Variants in NAA35 observed in about 807,000 individuals in gnomAD.
NAA35 encodes MAK10 homolog, amino-acid N-acetyltransferase subunit.
A neutral mutation model predicts 101.7 loss-of-function variants in NAA35; 18 were observed. That is an observed-to-expected ratio of 0.18 (90% confidence interval 0.12 to 0.26). The LOEUF (loss-of-function observed/expected upper bound fraction) is 0.26, where lower values mean the gene tolerates loss of function less well. NAA35 is among the 10% of genes least tolerant of loss of function. The probability of loss-of-function intolerance (pLI) is 1.00; values close to 1 mark genes in which losing one functional copy is unlikely to be tolerated. For synonymous variants in NAA35, 267 were observed against 273.1 expected (o/e 0.98, Z 0.22); for missense variants, 601 against 886.8 (o/e 0.68, Z 4.09).
At chr9:85,989,130 A>G (rs1376766266) in intron 11 of NAA35, among the ~76,000 whole-genome samples, 2 of 152,214 alleles carry the variant, frequency 1.3e-5, no homozygotes, top group South Asian at 2.1e-4. Context: ...CTTCACATCA[A>G]CATCAACACA....
At position 86,013,803 on chromosome 9, in the gene NAA35, G is replaced by A; in HGVS notation, c.1474G>A (p.Val492Ile). 6.2e-7 allele frequency: 1 copy of A among 1,614,088 alleles called. No homozygotes were observed. Among genetic ancestry groups the A allele is most frequent in the Non-Finnish European group, 8.5e-7 (1 of 1,180,006 alleles). The change falls in exon 17 of 23, where the codon GTC (valine) becomes ATC (isoleucine). Residue 492 changes from valine to isoleucine, a missense_variant. Val to Ile is a conservative substitution (Grantham distance 29). Coordinates refer to ENST00000361671, the MANE Select transcript of NAA35 (RefSeq NM_024635.4). ...RQHLACLGTW[V>I]LYHNLRIMIQ... is the part of the protein sequence containing the mutation. ...ACATTTGGCCTGTTTAGGTACCTGGGTCCTTTACCATAACCTTCGCATTAT... is the reference window on the plus strand; with the variant it reads ...ACATTTGGCCTGTTTAGGTACCTGGATCCTTTACCATAACCTTCGCATTAT...
chr9:85,946,052 CTGT>C (rs1391470270), intron 2 of NAA35, among the ~76,000 whole-genome samples: 1 of 151,760 alleles, frequency 6.6e-6, no homozygotes, highest in Admixed American at 6.6e-5. Context: ...TTAGCCATTA[CTGT>C]TGTTTTGCCT....
intron 12 of NAA35, among the ~76,000 whole-genome samples, chr9:86,000,481 T>C (rs935230098): frequency 1.3e-5 from 2 of 152,162 alleles, no homozygotes; most frequent in Non-Finnish European, 2.9e-5. Context: ...TACCAGCTCT[T>C]CTTTGTACAT....
chr9:85,986,015 C>T (rs190046758), intron 11 of NAA35, among the ~76,000 whole-genome samples: 1 of 152,190 alleles, frequency 6.6e-6, no homozygotes, highest in Admixed American at 6.5e-5. Context: ...TGAAGGAAAT[C>T]CCCAGGATGG....
intron 6 of NAA35, among the ~76,000 whole-genome samples, chr9:85,969,948 A>T (rs1001905100): frequency 2.6e-5 from 4 of 151,832 alleles, no homozygotes; most frequent in Non-Finnish European, 5.9e-5. Flanking sequence ...TACACCTTTC[A>T]CTAAAACTAC....
chr9:86,018,667 G>A (rs371501846), intron 20 of NAA35, 32 bp from the exon 21 acceptor site: 71 of 1,595,346 alleles, frequency 4.5e-5, no homozygotes, highest in Middle Eastern at 1.7e-4. Context: ...CATATTAAAC[G>A]TGTTTTGAAT....
In NAA35 at chr9:85,979,136, G is replaced by A. The variant is rs146545044; in HGVS notation, c.877+755G>A. 3.9e-3 allele frequency among the ~76,000 whole-genome samples: 593 copies of A among 152,236 alleles called. 2 individuals carry two copies. Among genetic ancestry groups the A allele is most frequent in the Middle Eastern group, 6.8e-3 (2 of 294 alleles). On this transcript the variant is annotated intron_variant, in intron 11 of 22. Transcript: ENST00000361671. Reference sequence around the variant, plus strand: ...AACATAAATTTAATTTCCTTGGCAAGGCCATTTTTACTTTCTGCAGAAAGG... The same window carrying A: ...AACATAAATTTAATTTCCTTGGCAAAGCCATTTTTACTTTCTGCAGAAAGG...
rs747121540 is a variant in NAA35 at position 86,018,351 on chromosome 9, A to G, written c.1870A>G (p.Asn624Asp). 6.2e-7 allele frequency: 1 copy of G among 1,613,982 alleles called. No individual in the cohort carries two copies. The highest frequency in any genetic ancestry group is 8.5e-7 in the Non-Finnish European group (1 of 1,179,872). ...VRYEHRFAPF[N>D]SVMTPPPVHY... ...GTATGAACACAGGTTTGCTCCATTCAACAGTGTGATGACCCCGCCGCCAGT... is the reference window on the plus strand; with the variant it reads ...GTATGAACACAGGTTTGCTCCATTCGACAGTGTGATGACCCCGCCGCCAGT... Residue 624 changes from asparagine to aspartate, a missense_variant, in exon 20 of 23, where the codon AAC becomes GAC. By Grantham distance (23) the Asn-to-Asp change is conservative. Transcript: ENST00000361671.
At chr9:85,991,164 T>C (rs1830891199) in intron 11 of NAA35, among the ~76,000 whole-genome samples, 2 of 151,890 alleles carry the variant, frequency 1.3e-5, no homozygotes. Flanking sequence ...GGTGTGTCTA[T>C]GGGAAGGCAG....
At chr9:85,955,360 A>ATAT (rs749448250) in intron 2 of NAA35, among the ~76,000 whole-genome samples, 5 of 53,938 alleles carry the variant, frequency 9.3e-5, no homozygotes, top group East Asian at 7.6e-4. Flanking sequence ...ATATATATAT[A>ATAT]TTTTTTTTTT....
intron 13 of NAA35, among the ~76,000 whole-genome samples, chr9:86,006,391 G>C (rs1159449097): frequency 1.3e-5 from 2 of 151,738 alleles, no homozygotes; most frequent in Non-Finnish European, 2.9e-5. Flanking sequence ...ATCAAAAACA[G>C]ACAACCCAAA....
intron 2 of NAA35, among the ~76,000 whole-genome samples, chr9:85,943,907 G>A (rs1828637508): frequency 6.6e-6 from 1 of 152,122 alleles, no homozygotes; most frequent in African/African-American, 2.4e-5. Flanking sequence ...TTTATGTTAG[G>A]GGAACAGTAA....
intron 13 of NAA35, 47 bp from the exon 14 acceptor site, chr9:86,007,311 C>T: frequency 7.5e-7 from 1 of 1,328,506 alleles, no homozygotes; most frequent in Non-Finnish European, 1.1e-6. Context: ...ACACTAATGA[C>T]AATTCTGTGC....
At chr9:86,011,343 T>C (rs572008578) in intron 15 of NAA35, among the ~76,000 whole-genome samples, 4 of 152,104 alleles carry the variant, frequency 2.6e-5, no homozygotes, top group South Asian at 4.1e-4. Context: ...TATTCATTTT[T>C]ATTTAATTTT....
At chr9:85,961,506 A>G (rs1477648078) in intron 5 of NAA35, among the ~76,000 whole-genome samples, 1 of 152,212 alleles carries the variant, frequency 6.6e-6, no homozygotes, top group East Asian at 1.9e-4. Context: ...GTCACTTAGT[A>G]AAATAGTATA....
intron 14 of NAA35, among the ~76,000 whole-genome samples, chr9:86,009,652 A>G (rs1048193203): frequency 3.3e-5 from 5 of 152,146 alleles, no homozygotes; most frequent in African/African-American, 1.2e-4. Flanking sequence ...TCAAATATAG[A>G]CCTATAGGAA....
At chr9:86,003,499 T>C in intron 12 of NAA35, 86 bp from the exon 13 acceptor site, 2 of 634,030 alleles carry the variant, frequency 3.2e-6, no homozygotes, top group Admixed American at 2.8e-5. Context: ...TTCCAGAAGG[T>C]CTAGTAAAAA....
chr9:85,970,619 A>G (rs374262973), intron 6 of NAA35, among the ~76,000 whole-genome samples: 1 of 152,334 alleles, frequency 6.6e-6, no homozygotes, highest in South Asian at 2.1e-4. Context: ...TTAATCTTGA[A>G]GAAATATCAG....
intron 22 of NAA35, among the ~76,000 whole-genome samples, chr9:86,021,376 T>C (rs551690937): frequency 6.6e-6 from 1 of 152,336 alleles, no homozygotes; most frequent in African/African-American, 2.4e-5. Context: ...GGTAATGTTA[T>C]ATCATCCATG....
Sources: gnomAD v4.1 joint callset for allele counts (sites outside exome capture counted in the v4.1 genomes callset) on GRCh38, gnomAD v4.1.1 for gene constraint, MANE v1.5 for transcripts, NCBI Gene and HGNC (gene_info 2026-07-23, HGNC 2026-07-21) for gene names.